The following DPYSL3 variants were observed in gnomAD, a reference collection of about 807,000 sequenced individuals.
DPYSL3 encodes dihydropyrimidinase like 3.
In DPYSL3, 16 loss-of-function variants were observed where a neutral mutation model predicts 66.1. That is an observed-to-expected ratio of 0.24 (90% CI 0.16 to 0.37). The LOEUF (loss-of-function observed/expected upper bound fraction) is 0.37, where lower values mean the gene tolerates loss of function less well. Among genes scored for constraint, DPYSL3 ranks in the 10% least tolerant of loss-of-function variants. The pLI is 1.00. For missense variants in DPYSL3, 738 were observed against 916.2 expected (o/e 0.81, Z 2.51); for synonymous variants, 338 against 345.1 (o/e 0.98, Z 0.23).
chr5:147,509,417 G>A lies in DPYSL3; in HGVS notation c.381+61C>T. 1 of 1,445,396 alleles carries A rather than the reference G, an allele frequency of 6.9e-7. No individual in the cohort carries two copies. Among genetic ancestry groups the A allele is most frequent in the African/African-American group, 1.4e-5 (1 of 70,090 alleles). 89.5% of individuals were successfully genotyped at this position (1,445,396 alleles called of 1,614,324 possible). A position where few individuals can be genotyped will look rare whatever the true frequency, so the allele number is the denominator to read the frequency against. ...CTGGAGAAAGTTGTGCCCGGGCCAT[G>A]GCGGCCAGGGCTGGAGAAAGGAACG... On this transcript the variant is annotated intron_variant, in intron 1 of 13. Transcript: ENST00000343218. This position sits in a 1 kb window ranked among gnomAD's most constrained non-coding sequence, Gnocchi z 5.3.
At chr5:147,491,627 A>G (rs1245558215) in intron 1 of DPYSL3, among the ~76,000 whole-genome samples, 1 of 152,214 alleles carries the variant, frequency 6.6e-6, no homozygotes, top group Non-Finnish European at 1.5e-5. Flanking sequence ...GAGATAAAAA[A>G]AATACTGCAA....
rs538612142 is a variant in DPYSL3, at chr5:147,509,052, C to T, written c.381+426G>A. On this transcript the variant is annotated intron_variant, in intron 1 of 13. Transcript: ENST00000343218. The surrounding 1 kb of genome is among the most constrained non-coding windows in gnomAD (Gnocchi z 5.3). Reference sequence around the variant, plus strand: ...GATGACCCCCATATTCCCAGCATCACTTTGCCCTCTGCCGTGGTGACCCGG... The same window carrying T: ...GATGACCCCCATATTCCCAGCATCATTTTGCCCTCTGCCGTGGTGACCCGG... Among the ~76,000 whole-genome samples, 1 of 152,284 alleles carries T rather than the reference C, an allele frequency of 6.6e-6. No individual in the cohort carries two copies. The highest frequency in any genetic ancestry group is 6.5e-5 in the Admixed American group (1 of 15,300).
At chr5:147,475,941 G>A (rs1482727339) in intron 1 of DPYSL3, among the ~76,000 whole-genome samples, 2 of 152,116 alleles carry the variant, frequency 1.3e-5, no homozygotes, top group African/African-American at 4.8e-5. Context: ...GATAACAATA[G>A]TAATAATGAT....
At chr5:147,440,581 A>G (rs1227911539) in intron 1 of DPYSL3, among the ~76,000 whole-genome samples, 2 of 152,182 alleles carry the variant, frequency 1.3e-5, no homozygotes, top group South Asian at 2.1e-4. Flanking sequence ...ATTCTTCATT[A>G]TGTGTAGCTG....
At chr5:147,488,807 G>C (rs894283070) in intron 1 of DPYSL3, among the ~76,000 whole-genome samples, 1 of 151,868 alleles carries the variant, frequency 6.6e-6, no homozygotes, top group African/African-American at 2.4e-5. Flanking sequence ...CTGAGGTCAG[G>C]AGTTCGAGAC....
At chr5:147,433,313 G>A (rs1752349543) in intron 1 of DPYSL3, among the ~76,000 whole-genome samples, 1 of 152,154 alleles carries the variant, frequency 6.6e-6, no homozygotes, top group African/African-American at 2.4e-5. Flanking sequence ...GGGTGGATGG[G>A]GAAAGAGGCA....
At chr5:147,434,436 A>G (rs921417463) in intron 1 of DPYSL3, among the ~76,000 whole-genome samples, 5 of 152,174 alleles carry the variant, frequency 3.3e-5, no homozygotes, top group African/African-American at 1.2e-4. Context: ...CTTCAATCAA[A>G]CAGGATCTCT....
Position 147,405,635 on chromosome 5 carries a change from G to T in DPYSL3, c.1128C>A (p.Asp376Glu). The stretch of plus-strand genomic sequence containing the variant: ...CTTTTTTCCTGGCTTGTGAGATGAG[G>T]TCAGCTGCACTCTTGCTCATGACCT... ...VTKVMSKSAA[D>E]LISQARKKGN... The change falls in exon 8 of 14, where the codon GAC becomes GAA. Residue 376 changes from aspartate (D) to glutamate (E), a missense_variant. By Grantham distance (45) the Asp-to-Glu change is conservative. Transcript: ENST00000343218. The T allele has an allele frequency of 6.2e-7, 1 of 1,613,416 alleles. No homozygotes were observed. Among genetic ancestry groups the T allele is most frequent in the Non-Finnish European group, 8.5e-7 (1 of 1,179,684 alleles).
intron 12 of DPYSL3, among the ~76,000 whole-genome samples, chr5:147,396,525 C>A (rs2152014845): frequency 6.6e-6 from 1 of 152,310 alleles, no homozygotes; most frequent in South Asian, 2.1e-4. Context: ...CCTGACCGTG[C>A]AGGATGGATC....
At position 147,481,420 on chromosome 5, in the gene DPYSL3, T is replaced by C. The variant is rs371013619; in HGVS notation, c.381+28058A>G. Among the ~76,000 whole-genome samples, 6 of 152,378 alleles carry C rather than the reference T, an allele frequency of 3.9e-5. No individual in the cohort carries two copies. In the South Asian group the frequency reaches 1.2e-3, roughly 32 times the overall value. ...TAGCCTGTTACTATTTCATGGATGC[T>C]GGCAGAAGACAGGAGGTTCCTGGGT... is the stretch of plus-strand genomic sequence containing the variant. On this transcript the variant is annotated intron_variant, in intron 1 of 13. Transcript: ENST00000343218.
At chr5:147,483,884 C>G (rs554967840) in intron 1 of DPYSL3, among the ~76,000 whole-genome samples, 5 of 152,244 alleles carry the variant, frequency 3.3e-5, no homozygotes, top group African/African-American at 4.8e-5. Flanking sequence ...ATATCTCCCC[C>G]CCAAGGGATA....
intron 4 of DPYSL3, 83 bp from the exon 5 acceptor site, chr5:147,413,740 G>T: frequency 9.0e-7 from 1 of 1,109,638 alleles, no homozygotes; most frequent in South Asian, 1.3e-5. Flanking sequence ...CACTTCCATC[G>T]ACCATAGCAC....
At chr5:147,397,535 G>T in intron 12 of DPYSL3, 131 bp downstream of exon 12, 1 of 1,012,462 alleles carries the variant, frequency 9.9e-7, no homozygotes. Flanking sequence ...GTTGTTCTTG[G>T]GGACAAGACT....
Position 147,405,676 on chromosome 5 carries a change from G to C in DPYSL3, c.1087C>G (p.Pro363Ala). Residue 363 changes from proline (P) to alanine (A), a missense_variant, in exon 8 of 14, where the codon CCT (proline) becomes GCT (alanine). Physicochemically the swap from Pro to Ala is conservative, Grantham distance 27. Coordinates refer to ENST00000343218, the MANE Select transcript of DPYSL3 (RefSeq NM_001197294.2). ...CTCATGACCTTTGTGACGTAGAGAG[G>C]GCAATTGGTTTGGCTGGCAATGGTG... ...AITIASQTNC[P>A]LYVTKVMSKS... 1 of 1,614,104 alleles carries C rather than the reference G, an allele frequency of 6.2e-7. No individual in the cohort carries two copies.
At chr5:147,499,282 G>A (rs968481714) in intron 1 of DPYSL3, among the ~76,000 whole-genome samples, 2 of 152,146 alleles carry the variant, frequency 1.3e-5, no homozygotes, top group African/African-American at 4.8e-5. Context: ...TCAGGAACTA[G>A]TAAGTGATTA....
chr5:147,434,108 C>T, intron 1 of DPYSL3, among the ~76,000 whole-genome samples: 1 of 151,672 alleles, frequency 6.6e-6, no homozygotes, highest in East Asian at 1.9e-4. Context: ...AACTTCTATT[C>T]TACTGCTCTT....
chr5:147,446,472 G>A (rs1454791316), intron 1 of DPYSL3, among the ~76,000 whole-genome samples: 2 of 152,238 alleles, frequency 1.3e-5, no homozygotes, highest in Non-Finnish European at 2.9e-5. Flanking sequence ...ATTAGGCCAT[G>A]AGAAATGTTG....
At chr5:147,424,659 A>G (rs1752162139) in intron 2 of DPYSL3, among the ~76,000 whole-genome samples, 1 of 152,208 alleles carries the variant, frequency 6.6e-6, no homozygotes, top group Admixed American at 6.5e-5. Flanking sequence ...CACATTTTCC[A>G]GTATCCTTAA....
intron 1 of DPYSL3, among the ~76,000 whole-genome samples, chr5:147,451,827 T>C (rs1047858385): frequency 4.6e-5 from 7 of 152,204 alleles, no homozygotes; most frequent in African/African-American, 1.7e-4. Context: ...CTCTTTCTTT[T>C]TTTCTTTTTT....
Sources: allele counts gnomAD v4.1 joint callset (sites outside exome capture counted in the v4.1 genomes callset), GRCh38; gene constraint gnomAD v4.1.1; non-coding constraint Gnocchi (gnomAD v3.1); transcripts MANE v1.5; gene names NCBI Gene and HGNC (gene_info 2026-07-23, HGNC 2026-07-21).